FBXL20: variants seen among roughly 807,000 people sequenced by gnomAD.
FBXL20 encodes F-box and leucine rich repeat protein 20.
A neutral mutation model predicts 64.0 loss-of-function variants in FBXL20; 11 were observed. The ratio of observed to expected loss-of-function variants is 0.17; its 90% CI spans 0.11 to 0.28. FBXL20 has a LOEUF of 0.28. Among genes scored for constraint, FBXL20 ranks in the 10% least tolerant of loss-of-function variants. The probability of loss-of-function intolerance (pLI) is 1.00; values close to 1 mark genes in which losing one functional copy is unlikely to be tolerated. For synonymous variants in FBXL20, 184 were observed against 189.0 expected (o/e 0.97, Z 0.22); for missense variants, 303 against 526.2 (o/e 0.58, Z 4.15).
chr17:39,331,772 GA>G (rs1449607156), intron 2 of FBXL20, among the ~76,000 whole-genome samples: 2 of 152,198 alleles, frequency 1.3e-5, no homozygotes, highest in Non-Finnish European at 2.9e-5. Context: ...CCCACATAGA[GA>G]AACTCTCCTA....
chr17:39,379,409 G>A (rs1400814638), intron 1 of FBXL20, among the ~76,000 whole-genome samples: 2 of 150,064 alleles, frequency 1.3e-5, no homozygotes, highest in African/African-American at 2.5e-5. Flanking sequence ...AGGCTGAGGC[G>A]AGGGGATCGC....
chr17:39,304,756 T>C (rs1218433375), intron 2 of FBXL20, among the ~76,000 whole-genome samples: 3 of 152,010 alleles, frequency 2.0e-5, no homozygotes, highest in Non-Finnish European at 4.4e-5. Flanking sequence ...CATGCTCAGC[T>C]AATTTTTTTT....
chr17:39,289,209 T>C (rs995257417), intron 6 of FBXL20, among the ~76,000 whole-genome samples: 1 of 152,184 alleles, frequency 6.6e-6, no homozygotes, highest in African/African-American at 2.4e-5. Context: ...AACTTCACTG[T>C]CCATCAAAAT....
chr17:39,300,580 A>G (rs193040717), intron 4 of FBXL20, among the ~76,000 whole-genome samples: 2 of 152,356 alleles, frequency 1.3e-5, no homozygotes, highest in African/African-American at 2.4e-5. Context: ...TTCGTTCTCC[A>G]CAAGAAATTG....
At chr17:39,328,204 C>T (rs1204623088) in intron 2 of FBXL20, among the ~76,000 whole-genome samples, 5 of 134,468 alleles carry the variant, frequency 3.7e-5, no homozygotes, top group East Asian at 4.3e-4. Context: ...GCCGAGATCA[C>T]GCCAACTGCA....
chr17:39,372,922 G>C (rs936716402), intron 1 of FBXL20, among the ~76,000 whole-genome samples: 3 of 152,036 alleles, frequency 2.0e-5, no homozygotes, highest in Admixed American at 2.0e-4. Flanking sequence ...ACTGCGCCCA[G>C]CCTGTTTAAT....
intron 14 of FBXL20, among the ~76,000 whole-genome samples, chr17:39,263,586 G>A (rs991540409): frequency 6.6e-6 from 1 of 151,252 alleles, no homozygotes; most frequent in African/African-American, 2.4e-5. Context: ...CCTAGCTACT[G>A]GGGATGCTGA....
chr17:39,293,745 C>G (rs992169771), intron 6 of FBXL20, among the ~76,000 whole-genome samples: 2 of 151,886 alleles, frequency 1.3e-5, no homozygotes, highest in African/African-American at 4.8e-5. Context: ...CTCACTAGAT[C>G]TTCTTTGCCA....
At chr17:39,276,289 TAAAG>T (rs2046892698) in intron 9 of FBXL20, among the ~76,000 whole-genome samples, 1 of 60,308 alleles carries the variant, frequency 1.7e-5, no homozygotes, top group African/African-American at 6.8e-5. Context: ...AAAGAAGGAA[TAAAG>T]AAAGGAAAGA....
chr17:39,340,499 G>A (rs1161899015), intron 2 of FBXL20, among the ~76,000 whole-genome samples: 1 of 152,160 alleles, frequency 6.6e-6, no homozygotes, highest in Admixed American at 6.5e-5. Context: ...CAAAGTGCTA[G>A]GATTATAGGT....
chr17:39,367,406 T>C lies in FBXL20; in HGVS notation c.43-24165A>G, dbSNP rs529204477. 4.0e-5 allele frequency among the ~76,000 whole-genome samples: 6 copies of C among 149,120 alleles called. No homozygotes were observed. The South Asian group carries it at 6.5e-4, about 16-fold the overall frequency. ...ATCTCGGCTCACTGCAACCTCCAAC[T>C]CCCAGATTCAAGTGATTCTCCTGCC... On this transcript the variant is annotated intron_variant, in intron 1 of 14. Transcript: ENST00000264658.
Position 39,253,829 on chromosome 17 carries a change from C to T in FBXL20, c.*7631G>A, listed in dbSNP as rs953276856. ...TTATATAGGAAAGAAAATTATTTGT[C>T]CACAGGGGAAAAAAGTAATCAAATC... On this transcript the variant is annotated 3_prime_UTR_variant, in exon 15 of 15. Coordinates refer to ENST00000264658, the MANE Select transcript of FBXL20 (RefSeq NM_032875.3). The T allele has an allele frequency of 1.3e-5, 2 of 152,018 alleles. No homozygotes were observed. The highest frequency in any genetic ancestry group is 2.9e-5 in the Non-Finnish European group (2 of 68,002). The allele number at this position is 152,018 out of a possible 1,614,324, so 9.4% of individuals were successfully genotyped here.
intron 3 of FBXL20, among the ~76,000 whole-genome samples, chr17:39,302,093 T>TA (rs779196048): frequency 2.0e-5 from 3 of 151,612 alleles, no homozygotes; most frequent in Middle Eastern, 3.2e-3. Flanking sequence ...ATATGATCCT[T>TA]AAAAAAAATC....
chr17:39,322,565 G>GT (rs2144516852), intron 2 of FBXL20, among the ~76,000 whole-genome samples: 1 of 152,212 alleles, frequency 6.6e-6, no homozygotes, highest in South Asian at 2.1e-4. Flanking sequence ...TTGAGTAGTT[G>GT]ATTACAAATT....
At position 39,324,260 on chromosome 17, in the gene FBXL20, T is replaced by G. The variant is rs191548758; in HGVS notation, c.104+18920A>C. ...TTCCTCTAGGTGAGAGACCCAGGAA[T>G]CTATCTTTTCTAAACATTCTCTCCA... On this transcript the variant is annotated intron_variant, in intron 2 of 14. Transcript: ENST00000264658. Among the ~76,000 whole-genome samples the G allele has an allele frequency of 1.0e-3, 152 of 149,648 alleles. 17 individuals are homozygous for G. The highest frequency in any genetic ancestry group is 3.7e-3 in the African/African-American group (143 of 39,098).
At chr17:39,353,812 G>T (rs2047711059) in intron 1 of FBXL20, among the ~76,000 whole-genome samples, 1 of 151,906 alleles carries the variant, frequency 6.6e-6, no homozygotes, top group Admixed American at 6.6e-5. Flanking sequence ...TAGTAGAGAT[G>T]GGGTTTCATC....
At chr17:39,278,259 C>T (rs554569276) in intron 9 of FBXL20, among the ~76,000 whole-genome samples, 1 of 152,196 alleles carries the variant, frequency 6.6e-6, no homozygotes, top group East Asian at 1.9e-4. Context: ...GAGTCTCCTG[C>T]CTCAGACTCC....
chr17:39,262,914 A>C (rs1314928714), intron 14 of FBXL20, among the ~76,000 whole-genome samples: 1 of 152,010 alleles, frequency 6.6e-6, no homozygotes, highest in African/African-American at 2.4e-5. Flanking sequence ...AGTCAGGAGA[A>C]TAGCGTGAAC....
rs531415232 is a variant in FBXL20 at position 39,328,117 on chromosome 17, G to A, written c.104+15063C>T. On this transcript the variant is annotated intron_variant, in intron 2 of 14. Coordinates refer to ENST00000264658, the MANE Select transcript of FBXL20 (RefSeq NM_032875.3). ...ACAAAAATTAGCCGGGCGTGGTGGC[G>A]GGTGCCTGTAATCCCAGTTACTTGG... is the stretch of plus-strand genomic sequence containing the variant. Among the ~76,000 whole-genome samples the A allele has an allele frequency of 2.0e-3, 305 of 151,452 alleles. 12 individuals carry two copies. In the South Asian group the frequency reaches 0.059, roughly 29 times the overall value.
Sources: allele counts gnomAD v4.1 joint callset (sites outside exome capture counted in the v4.1 genomes callset), GRCh38; gene constraint gnomAD v4.1.1; transcripts MANE v1.5; gene names NCBI Gene and HGNC (gene_info 2026-07-23, HGNC 2026-07-21).